MIP: variants seen among roughly 807,000 people sequenced by gnomAD.
The protein encoded by MIP is major intrinsic protein of lens fiber, also known as lens fiber major intrinsic protein.
MIP carries 14 observed loss-of-function variants against 21.8 expected under a neutral mutation model. That is an observed-to-expected ratio of 0.64 (90% CI 0.42 to 1.00). MIP has a LOEUF of 1.00. Ranked by LOEUF, MIP falls within the 50% of genes least tolerant of loss-of-function variation. The pLI is 0.00. For synonymous variants in MIP, 133 were observed against 141.4 expected (o/e 0.94, Z 0.42); for missense variants, 260 against 333.5 (o/e 0.78, Z 1.72).
rs1868739018 is a variant in MIP at position 56,454,619 on chromosome 12, G to C, written c.-6C>G. On this transcript the variant is annotated 5_prime_UTR_variant, in exon 1 of 4. Transcript: ENST00000652304. ...GCTGATCGCAGTTCCCACATGGCAG[G>C]GGGGATGGTCACAGTGCCTGGGTCC... is the stretch of plus-strand genomic sequence containing the variant. 3.1e-6 allele frequency: 5 copies of C among 1,613,580 alleles called. No individual in the cohort carries two copies. The Admixed American group carries it at 6.7e-5, about 22-fold the overall frequency.
Position 56,453,718 on chromosome 12 carries a change from A to G in MIP, c.398T>C (p.Val133Ala). The change falls in exon 2 of 4, where the codon GTG (valine) becomes GCG (alanine). Residue 133 changes from valine to alanine, a missense_variant. By Grantham distance (64) the Val-to-Ala change is moderately conservative (BLOSUM62 0). Transcript: ENST00000652304. ...PAVSVGQATT[V>A]EIFLTLQFVL... Reference sequence around the variant, plus strand: ...GAACTGGAGCGTCAGGAAGATCTCCACTGTGGTTGCCTGGCCCACGCTCAC... The same window carrying G: ...GAACTGGAGCGTCAGGAAGATCTCCGCTGTGGTTGCCTGGCCCACGCTCAC... The G allele has an allele frequency of 1.9e-6, 3 of 1,614,122 alleles. No homozygotes were observed. Among genetic ancestry groups the G allele is most frequent in the Non-Finnish European group, 2.5e-6 (3 of 1,180,010 alleles).
chr12:56,451,064 G>A lies in MIP; in HGVS notation c.*216C>T. 1 of 567,876 alleles carries A rather than the reference G, an allele frequency of 1.8e-6. No individual in the cohort carries two copies. 35.2% of individuals were successfully genotyped at this position (567,876 alleles called of 1,614,324 possible). On this transcript the variant is annotated 3_prime_UTR_variant, in exon 4 of 4. Transcript: ENST00000652304. ...CACACACGGCGAAGGGTGGTGGGAT[G>A]GGGAGGAAGGGAAGTTTGCACCAAC...
At position 56,450,611 on chromosome 12, in the gene MIP, T is replaced by C. The variant is rs1362405663; in HGVS notation, c.*669A>G. ...AACAGCTAAATCCTAGTGTTCACTT[T>C]TCTCAGAGCTACTTCCCCACCCAAG... On this transcript the variant is annotated 3_prime_UTR_variant, in exon 4 of 4. Transcript: ENST00000652304. The C allele has an allele frequency of 1.3e-5, 2 of 152,938 alleles. No homozygotes were observed. The highest frequency in any genetic ancestry group is 2.4e-5 in the African/African-American group (1 of 41,460). The allele number at this position is 152,938 out of a possible 1,614,324, so 9.5% of individuals were successfully genotyped here.
upstream of MIP, chr12:56,454,736 C>G (rs540587287): frequency 4.2e-6 from 5 of 1,183,432 alleles, no homozygotes; most frequent in South Asian, 7.2e-5. Flanking sequence ...GCAGGCCCAG[C>G]CTCTTAACCC....
chr12:56,453,810 TC>T, intron 1 of MIP, 55 bp from the exon 2 acceptor site: 1 of 1,557,340 alleles, frequency 6.4e-7, no homozygotes, highest in Non-Finnish European at 8.8e-7. Context: ...CAGTGTTACC[TC>T]CTCAAGACTT....
intron 3 of MIP, among the ~76,000 whole-genome samples, chr12:56,452,448 T>C (rs1868650546): frequency 6.6e-6 from 1 of 152,230 alleles, no homozygotes; most frequent in Non-Finnish European, 1.5e-5. Context: ...GGGTTGCTTT[T>C]ACCTCTTGGC....
intron 3 of MIP, chr12:56,452,863 A>C: frequency 1.6e-6 from 1 of 611,858 alleles, no homozygotes; most frequent in Non-Finnish European, 2.9e-6. Flanking sequence ...GACTAACCAG[A>C]GAAGGAAAAA....
intron 3 of MIP, among the ~76,000 whole-genome samples, chr12:56,452,349 G>T (rs1474890912): frequency 6.6e-6 from 1 of 152,198 alleles, no homozygotes; most frequent in Non-Finnish European, 1.5e-5. Flanking sequence ...GTTGTGGTAT[G>T]TGTCACAATT....
chr12:56,453,272 G>A, intron 2 of MIP, 120 bp from the exon 3 acceptor site: 1 of 809,002 alleles, frequency 1.2e-6, no homozygotes, highest in Non-Finnish European at 2.1e-6. Context: ...AGTGGAGAGG[G>A]ACAGCCTGCA....
At chr12:56,453,242 C>A in intron 2 of MIP, 90 bp from the exon 3 acceptor site, 1 of 974,606 alleles carries the variant, frequency 1.0e-6, no homozygotes, top group Admixed American at 1.9e-5. Context: ...GAGCTGCCAT[C>A]TTTTCTCCAG....
chr12:56,449,576 A>G lies in MIP; in HGVS notation c.*1704T>C, dbSNP rs544471061. 1 of 152,394 alleles carries G rather than the reference A, an allele frequency of 6.6e-6. No homozygotes were observed. Among genetic ancestry groups the G allele is most frequent in the South Asian group, 2.1e-4 (1 of 4,828 alleles). The allele number at this position is 152,394 out of a possible 1,614,324, so 9.4% of individuals were successfully genotyped here. A position where few individuals can be genotyped will look rare whatever the true frequency, so the allele number is the denominator to read the frequency against. ...TATGAATTTTCTGCTGAATTATAGTAGAATCAAAGTCCGATTAGAGGTGAA... is the reference window on the plus strand; with the variant it reads ...TATGAATTTTCTGCTGAATTATAGTGGAATCAAAGTCCGATTAGAGGTGAA... On this transcript the variant is annotated 3_prime_UTR_variant, in exon 4 of 4. Transcript: ENST00000652304.
At chr12:56,453,790 AG>A in intron 1 of MIP, 35 bp from the exon 2 acceptor site, 3 of 1,600,620 alleles carry the variant, frequency 1.9e-6, no homozygotes, top group Non-Finnish European at 2.6e-6. Flanking sequence ...ACAGCTCAGG[AG>A]GGCTGCCACA....
chr12:56,451,104 A>G lies in MIP; in HGVS notation c.*176T>C. The G allele has an allele frequency of 1.6e-6, 1 of 619,988 alleles. No individual in the cohort carries two copies. Among genetic ancestry groups the G allele is most frequent in the African/African-American group, 1.9e-5 (1 of 53,730 alleles). 38.4% of individuals were successfully genotyped at this position (619,988 alleles called of 1,614,324 possible). On this transcript the variant is annotated 3_prime_UTR_variant, in exon 4 of 4. Transcript: ENST00000652304. ...TTTGCACCAACCAGCTCATGAATGC[A>G]ACTTGAAAGATTTCACACAGCAAAA...
At chr12:56,456,154 C>T (rs1462729977), upstream of MIP, among the ~76,000 whole-genome samples, 2 of 152,264 alleles carry the variant, frequency 1.3e-5, no homozygotes, top group East Asian at 3.9e-4. Context: ...CCCTGTAACC[C>T]TCAGTGCATC....
chr12:56,450,538 T>A lies in MIP; in HGVS notation c.*742A>T, dbSNP rs961825490. On this transcript the variant is annotated 3_prime_UTR_variant, in exon 4 of 4. Transcript: ENST00000652304. ...TCTGAAGAGATCCATTATGTCAGAATGAACACAACCAGCCAGCGGATGTAG... is the reference window on the plus strand; with the variant it reads ...TCTGAAGAGATCCATTATGTCAGAAAGAACACAACCAGCCAGCGGATGTAG... 2 of 152,316 alleles carry A rather than the reference T, an allele frequency of 1.3e-5. No homozygotes were observed. The highest frequency in any genetic ancestry group is 2.9e-5 in the Non-Finnish European group (2 of 68,142). 9.4% of individuals were successfully genotyped at this position (152,316 alleles called of 1,614,324 possible).
intron 3 of MIP, among the ~76,000 whole-genome samples, chr12:56,451,978 G>A (rs1341963821): frequency 2.0e-5 from 3 of 152,186 alleles, no homozygotes; most frequent in Non-Finnish European, 4.4e-5. Flanking sequence ...GGAGGCGGAG[G>A]TTGCAGTGAG....
rs765468212 is a variant in MIP at position 56,453,603 on chromosome 12, C to T, written c.513G>A (p.Gly171=). 1.1e-5 allele frequency: 17 copies of T among 1,614,142 alleles called. No individual in the cohort carries two copies. The South Asian group carries it at 1.5e-4, about 15-fold the overall frequency. ...ALAVGFSLAL[G]HLFGMYYTGA... is the part of the protein sequence containing the mutation. The stretch of plus-strand genomic sequence containing the variant: ...CCTTCCTGCTTACCCCAAAGAGGTG[C>T]CCCAGGGCAAGGGAGAAGCCAACGG... Residue 171 remains glycine (G), a synonymous_variant, in exon 2 of 4, where the codon GGG becomes GGA. Transcript: ENST00000652304.
rs1868686679 is a variant in MIP at position 56,453,573 on chromosome 12, G to T, written c.525+18C>A. On this transcript the variant is annotated intron_variant, in intron 2 of 3. Coordinates refer to ENST00000652304, the MANE Select transcript of MIP (RefSeq NM_012064.4). ...CCCCGGAATCCTTGAATGAGAAGTT[G>T]CTCTCCTTCCTGCTTACCCCAAAGA... 6.2e-7 allele frequency: 1 copy of T among 1,614,218 alleles called. No individual in the cohort carries two copies. The highest frequency in any genetic ancestry group is 8.5e-7 in the Non-Finnish European group (1 of 1,180,022).
At chr12:56,452,979 A>G in intron 3 of MIP, 93 bp downstream of exon 3, 1 of 875,870 alleles carries the variant, frequency 1.1e-6, no homozygotes, top group Non-Finnish European at 2.0e-6. Flanking sequence ...AGCAGCCAAC[A>G]CACGCAGAAG....
Sources: allele counts gnomAD v4.1 joint callset (sites outside exome capture counted in the v4.1 genomes callset), GRCh38; gene constraint gnomAD v4.1.1; transcripts MANE v1.5; gene names NCBI Gene and HGNC (gene_info 2026-07-23, HGNC 2026-07-21).